PSME4: variants seen among roughly 807,000 people sequenced by gnomAD.
PSME4 encodes proteasome activator complex subunit 4.
Under a neutral mutation model 253.9 loss-of-function variants are expected in PSME4, and 89 were observed. That is an observed-to-expected ratio of 0.35 (90% CI 0.30 to 0.42). The LOEUF is 0.42. Ranked by LOEUF, PSME4 falls within the 10% of genes least tolerant of loss-of-function variation. PSME4 has a pLI of 1.00. For synonymous variants in PSME4, 851 were observed against 759.2 expected (o/e 1.12, Z -1.99); for missense variants, 2,014 against 2,195.2 (o/e 0.92, Z 1.65).
intron 36 of PSME4, 79 bp from the exon 37 acceptor site, chr2:53,890,287 ATG>A: frequency 1.1e-6 from 1 of 920,308 alleles, no homozygotes; most frequent in Non-Finnish European, 1.8e-6. Context: ...TTACCTGGAA[ATG>A]TACACACATA....
rs372820735 is a variant in PSME4 at position 53,866,888 on chromosome 2, G to A, written c.5264-8C>T. ...CATGGCGTTTGACCAACTCTGCAAA[G>A]AGAATAGCAACATTTGTGCAAATAT... is the stretch of plus-strand genomic sequence containing the variant. On this transcript the variant is annotated splice_region_variant and splice_polypyrimidine_tract_variant and intron_variant, in intron 44 of 46. Coordinates refer to ENST00000404125, the MANE Select transcript of PSME4 (RefSeq NM_014614.3). 92 of 1,611,896 alleles carry A rather than the reference G, an allele frequency of 5.7e-5. No individual in the cohort carries two copies. The African/African-American group carries it at 1.2e-3, about 21-fold the overall frequency.
At chr2:53,961,544 G>C (rs1267811493) in intron 1 of PSME4, among the ~76,000 whole-genome samples, 4 of 152,100 alleles carry the variant, frequency 2.6e-5, no homozygotes, top group Non-Finnish European at 4.4e-5. Context: ...TGGGTGTGCT[G>C]ATACATGCCC....
intron 40 of PSME4, among the ~76,000 whole-genome samples, chr2:53,886,974 A>C (rs1679668427): frequency 6.6e-6 from 1 of 152,198 alleles, no homozygotes. Flanking sequence ...TGGAAAGTAG[A>C]CAGTGGTTAT....
chr2:53,891,806 A>G (rs947149954), intron 36 of PSME4, among the ~76,000 whole-genome samples: 8 of 151,612 alleles, frequency 5.3e-5, no homozygotes, highest in African/African-American at 1.9e-4. Context: ...GTGAGCAATG[A>G]TCACACTACT....
chr2:53,934,521 A>C, intron 8 of PSME4, 84 bp downstream of exon 8: 7 of 1,387,498 alleles, frequency 5.0e-6, no homozygotes, highest in Non-Finnish European at 6.9e-6. Context: ...CACTATTATC[A>C]ACTTCTGCGA....
intron 41 of PSME4, among the ~76,000 whole-genome samples, chr2:53,882,638 C>T (rs1050296129): frequency 6.6e-6 from 1 of 152,106 alleles, no homozygotes; most frequent in Admixed American, 6.5e-5. Context: ...CAGCCTGGCT[C>T]AAAACTTCAC....
At chr2:53,874,017 C>A (rs1679010427) in intron 43 of PSME4, among the ~76,000 whole-genome samples, 1 of 152,164 alleles carries the variant, frequency 6.6e-6, no homozygotes, top group Non-Finnish European at 1.5e-5. Context: ...AGGATGAATG[C>A]AGTGGTACAA....
At chr2:53,950,925 C>A (rs1332262134) in intron 1 of PSME4, among the ~76,000 whole-genome samples, 3 of 151,554 alleles carry the variant, frequency 2.0e-5, no homozygotes, top group Admixed American at 1.3e-4. Context: ...TCAGAAGTAA[C>A]TGATCCAAAT....
intron 38 of PSME4, 53 bp downstream of exon 38, chr2:53,888,668 A>G: frequency 8.0e-7 from 1 of 1,249,802 alleles, no homozygotes; most frequent in Non-Finnish European, 1.2e-6. Context: ...TTTATACATA[A>G]GTTAACACAA....
rs759219399 is a variant in PSME4 at position 53,910,079 on chromosome 2, T to C, written c.2568A>G (p.Glu856=). ...LEETKLYTGL[E]YDLSRENHRE... is the part of the protein sequence containing the mutation. ...CTCAGATTAGGATTCACATACCATA[T>C]TCAAGTCCAGTATACAACTTTGTCT... The change falls in exon 21 of 47, where the codon GAA becomes GAG. Residue 856 remains glutamate, a synonymous_variant. Transcript: ENST00000404125. 3.7e-6 allele frequency: 6 copies of C among 1,604,014 alleles called. No individual in the cohort carries two copies. The highest frequency in any genetic ancestry group is 1.1e-5 in the South Asian group (1 of 90,852).
intron 43 of PSME4, 119 bp from the exon 44 acceptor site, chr2:53,869,657 T>G: frequency 1.3e-6 from 1 of 746,492 alleles, no homozygotes; most frequent in Non-Finnish European, 2.0e-6. Flanking sequence ...GCAAATTTTG[T>G]GTATGCTCTT....
chr2:53,920,116 A>G, intron 19 of PSME4, 77 bp downstream of exon 19: 1 of 1,242,016 alleles, frequency 8.1e-7, no homozygotes, highest in Non-Finnish European at 1.1e-6. Context: ...TTAATACATG[A>G]GATATGCCAC....
At chr2:53,870,295 T>C (rs1678807052) in intron 43 of PSME4, 1 of 152,148 alleles carries the variant, frequency 6.6e-6, no homozygotes, top group Non-Finnish European at 1.5e-5. Flanking sequence ...TACACTAGCA[T>C]ATGAAATACA....
intron 2 of PSME4, among the ~76,000 whole-genome samples, chr2:53,948,895 GACTT>G (rs1317888902): frequency 6.6e-6 from 1 of 152,164 alleles, no homozygotes; most frequent in Admixed American, 6.5e-5. Context: ...CTTCTCAAGG[GACTT>G]AACAACCTAT....
intron 16 of PSME4, 24 bp from the exon 17 acceptor site, chr2:53,922,608 G>T: frequency 6.2e-7 from 1 of 1,605,462 alleles, no homozygotes; most frequent in Non-Finnish European, 8.5e-7. Context: ...AATACTATTA[G>T]GGGGAAAAAC....
intron 4 of PSME4, among the ~76,000 whole-genome samples, chr2:53,939,205 C>G (rs987511597): frequency 2.6e-5 from 4 of 152,036 alleles, no homozygotes; most frequent in Non-Finnish European, 5.9e-5. Flanking sequence ...CAATAAATAT[C>G]CGATTTATTA....
intron 43 of PSME4, among the ~76,000 whole-genome samples, 181 bp downstream of exon 43, chr2:53,874,158 C>T (rs1238901378): frequency 6.6e-6 from 1 of 152,154 alleles, no homozygotes; most frequent in Non-Finnish European, 1.5e-5. Context: ...GACAGTCTTG[C>T]TACGTTGTCC....
At chr2:53,908,681 A>C in intron 22 of PSME4, 103 bp downstream of exon 22, 2 of 1,438,262 alleles carry the variant, frequency 1.4e-6, no homozygotes, top group Non-Finnish European at 1.9e-6. Context: ...TATTCTCACC[A>C]TTTAGAATAA....
intron 1 of PSME4, among the ~76,000 whole-genome samples, chr2:53,954,398 G>C (rs1670138145): frequency 1.3e-5 from 2 of 152,222 alleles, no homozygotes; most frequent in African/African-American, 4.8e-5. Context: ...CCAGCATTTT[G>C]GAAGGCAGAA....
Sources: allele counts gnomAD v4.1 joint callset (sites outside exome capture counted in the v4.1 genomes callset), GRCh38; gene constraint gnomAD v4.1.1; transcripts MANE v1.5; gene names NCBI Gene and HGNC (gene_info 2026-07-23, HGNC 2026-07-21).